Variants in KCTD20 observed in about 807,000 individuals in gnomAD.
KCTD20 encodes the protein potassium channel tetramerization domain containing 20.
Under a neutral mutation model 39.6 loss-of-function variants are expected in KCTD20, and 30 were observed. The ratio of observed to expected loss-of-function variants is 0.76; its 90% CI spans 0.57 to 1.03. KCTD20 has a LOEUF of 1.03. Ranked by LOEUF, KCTD20 falls within the 50% of genes least tolerant of loss-of-function variation. KCTD20 has a pLI of 0.00. For missense variants in KCTD20, 422 were observed against 522.0 expected (o/e 0.81, Z 1.87); for synonymous variants, 162 against 180.6 (o/e 0.90, Z 0.83).
chr6:36,458,364 C>T (rs1775499268), intron 1 of KCTD20, among the ~76,000 whole-genome samples: 1 of 151,550 alleles, frequency 6.6e-6, no homozygotes, highest in South Asian at 2.1e-4. Context: ...CATGGAGAAA[C>T]CCCGTCTCTA....
At position 36,479,198 on chromosome 6, in the gene KCTD20, G is replaced by C. The variant is rs2239808; in HGVS notation, c.512G>C (p.Ser171Thr). The C allele has an allele frequency of 0.21, 341,732 of 1,611,684 alleles. 40,079 individuals carry two copies. Among genetic ancestry groups the C allele is most frequent in the East Asian group, 0.43 (19,075 of 44,828 alleles). The change falls in exon 4 of 8, where the codon AGT (serine) becomes ACT (threonine). Residue 171 changes from serine (S) to threonine (T), a missense_variant. By Grantham distance (58) the Ser-to-Thr change is moderately conservative (BLOSUM62 1). Transcript: ENST00000373731. ...KGEYEIAEGI[S>T]ATVFRTVLDY... ...GAGTATGAGATTGCTGAAGGCATCAGTGCAACTGTATTTCGCACAGTGCTG... is the reference window on the plus strand; with the variant it reads ...GAGTATGAGATTGCTGAAGGCATCACTGCAACTGTATTTCGCACAGTGCTG...
At chr6:36,467,274 C>T (rs2127442328) in intron 1 of KCTD20, among the ~76,000 whole-genome samples, 1 of 137,508 alleles carries the variant, frequency 7.3e-6, no homozygotes, top group African/African-American at 2.7e-5. Context: ...TGCCATTGCA[C>T]TCCAGCCTGG....
chr6:36,443,767 T>C (rs1402220256), intron 1 of KCTD20: 1 of 152,220 alleles, frequency 6.6e-6, no homozygotes, highest in Non-Finnish European at 1.5e-5. Context: ...ATGAGAAAAC[T>C]CTTCTATTTT....
intron 3 of KCTD20, among the ~76,000 whole-genome samples, chr6:36,476,435 T>A (rs1776064384): frequency 6.6e-6 from 1 of 151,754 alleles, no homozygotes; most frequent in African/African-American, 2.4e-5. Context: ...ACCATTTTTT[T>A]TTTTTTTTTT....
intron 1 of KCTD20, among the ~76,000 whole-genome samples, chr6:36,464,897 C>G (rs1775698226): frequency 6.6e-6 from 1 of 152,106 alleles, no homozygotes; most frequent in Non-Finnish European, 1.5e-5. Flanking sequence ...GCTTATTTAC[C>G]AAATTCTGTG....
chr6:36,476,014 A>T (rs1345996874), intron 3 of KCTD20, among the ~76,000 whole-genome samples: 1 of 152,148 alleles, frequency 6.6e-6, no homozygotes, highest in African/African-American at 2.4e-5. Flanking sequence ...TGCTTCATTC[A>T]GATTTATCTC....
chr6:36,444,029 T>TG (rs1460510773), intron 1 of KCTD20, among the ~76,000 whole-genome samples: 1 of 152,184 alleles, frequency 6.6e-6, no homozygotes. Flanking sequence ...TCAGAGGACT[T>TG]CCGCTCAAGG....
In KCTD20 at chr6:36,470,123, G is replaced by A. The variant is rs1775867547; in HGVS notation, c.26G>A (p.Ser9Asn). 6.2e-7 allele frequency: 1 copy of A among 1,613,930 alleles called. No homozygotes were observed. The highest frequency in any genetic ancestry group is 8.5e-7 in the Non-Finnish European group (1 of 1,179,864). ...ATGAATGTTCACCGTGGCAGTGACA[G>A]TGACAGGTTATTGCGGCAGGAGGCC... MNVHRGSD[S>N]DRLLRQEASC... is the part of the protein sequence containing the mutation. The change falls in exon 2 of 8, where the codon AGT (serine) becomes AAT (asparagine). Residue 9 changes from serine to asparagine, a missense_variant. Ser to Asn is a conservative substitution (Grantham distance 46). Transcript: ENST00000373731.
intron 1 of KCTD20, among the ~76,000 whole-genome samples, chr6:36,463,468 C>T (rs1775657133): frequency 6.6e-6 from 1 of 152,138 alleles, no homozygotes; most frequent in Non-Finnish European, 1.5e-5. Context: ...ACACATACTT[C>T]CTTATGTCTG....
intron 3 of KCTD20, among the ~76,000 whole-genome samples, chr6:36,475,734 A>G (rs558348659): frequency 9.5e-5 from 14 of 147,332 alleles, no homozygotes; most frequent in African/African-American, 3.6e-4. Flanking sequence ...TGAGACCTAA[A>G]TCTTGCTCCC....
intron 1 of KCTD20, among the ~76,000 whole-genome samples, chr6:36,447,095 T>G (rs967602585): frequency 3.9e-5 from 6 of 152,200 alleles, no homozygotes; most frequent in Non-Finnish European, 8.8e-5. Flanking sequence ...CCTAGTTATA[T>G]TTCATTGGGA....
intron 5 of KCTD20, 136 bp from the exon 6 acceptor site, chr6:36,481,426 A>G: frequency 1.5e-6 from 1 of 667,412 alleles, no homozygotes; most frequent in South Asian, 1.8e-5. Flanking sequence ...GGAGCAGGAA[A>G]CAATCTCTTT....
rs372932007 is a variant in KCTD20 at position 36,479,681 on chromosome 6, G to T, written c.628G>T (p.Asp210Tyr). 18 of 1,599,420 alleles carry T rather than the reference G, an allele frequency of 1.1e-5. No individual in the cohort carries two copies. The highest frequency in any genetic ancestry group is 2.2e-5 in the South Asian group (2 of 90,800). ...DTCDYLCINF[D>Y]FNTIRCQDLS... is the part of the protein sequence containing the mutation. ...TTGTGATTATCTCTGCATTAATTTT[G>T]ACTTCAACACTATCCGATGTCAAGA... The change falls in exon 5 of 8, where the codon GAC becomes TAC. Residue 210 changes from aspartate to tyrosine, a missense_variant. Coordinates refer to ENST00000373731, the MANE Select transcript of KCTD20 (RefSeq NM_173562.5).
In KCTD20 at chr6:36,481,593, T is replaced by C. The variant is rs753769451; in HGVS notation, c.690T>C (p.Gly230=). Reference sequence around the variant, plus strand: ...TACTCCATGAACTGTCTAATGACGGTGCTCATAAGCAGTTTGATCACTACC... The same window carrying C: ...TACTCCATGAACTGTCTAATGACGGCGCTCATAAGCAGTTTGATCACTACC... The part of the protein sequence containing the change: ...SALLHELSND[G]AHKQFDHYLE... The change falls in exon 6 of 8, where the codon GGT becomes GGC. Residue 230 remains glycine, a synonymous_variant. Transcript: ENST00000373731. 1.2e-6 allele frequency: 2 copies of C among 1,614,230 alleles called. No homozygotes were observed. Among genetic ancestry groups the C allele is most frequent in the Admixed American group, 1.7e-5 (1 of 60,028 alleles).
At position 36,444,966 on chromosome 6, in the gene KCTD20, A is replaced by T. The variant is rs143982103; in HGVS notation, c.-47+1855A>T. 6.6e-5 allele frequency among the ~76,000 whole-genome samples: 10 copies of T among 152,332 alleles called. No individual in the cohort carries two copies. In the East Asian group the frequency reaches 1.9e-3, roughly 29 times the overall value. ...AACTGTAGTAGTTAGGTCAGTCTTA[A>T]ATTCTGTAACAGAAGCCGGGCGTGG... is the stretch of plus-strand genomic sequence containing the variant. On this transcript the variant is annotated intron_variant, in intron 1 of 7. Coordinates refer to ENST00000373731, the MANE Select transcript of KCTD20 (RefSeq NM_173562.5).
At chr6:36,455,880 A>G (rs1163539899) in intron 1 of KCTD20, among the ~76,000 whole-genome samples, 2 of 152,192 alleles carry the variant, frequency 1.3e-5, no homozygotes. Context: ...AAAGTAAGTA[A>G]CTATAGACTG....
At position 36,489,085 on chromosome 6, in the gene KCTD20, C is replaced by T. The variant is rs1776508611; in HGVS notation, c.*1910C>T. On this transcript the variant is annotated 3_prime_UTR_variant, in exon 8 of 8. Coordinates refer to ENST00000373731, the MANE Select transcript of KCTD20 (RefSeq NM_173562.5). ...TTATACCCACTACCAGTTGACTAGC[C>T]CAGATAATTGTTAAATGGTGCTTCT... The T allele has an allele frequency of 6.6e-6, 1 of 152,572 alleles. No individual in the cohort carries two copies. Among genetic ancestry groups the T allele is most frequent in the South Asian group, 2.1e-4 (1 of 4,818 alleles). 9.5% of individuals were successfully genotyped at this position (152,572 alleles called of 1,614,324 possible).
chr6:36,444,194 C>G (rs374235057), intron 1 of KCTD20, among the ~76,000 whole-genome samples: 2 of 152,174 alleles, frequency 1.3e-5, no homozygotes, highest in African/African-American at 4.8e-5. Flanking sequence ...AGCACCTGCA[C>G]TCTTGGTCTG....
At chr6:36,467,721 A>G (rs912842761) in intron 1 of KCTD20, among the ~76,000 whole-genome samples, 185 of 152,240 alleles carry the variant, frequency 1.2e-3, no homozygotes, top group African/African-American at 4.4e-3. Flanking sequence ...GGAGTTCCAT[A>G]GTACGCTCTG....
Sources: gnomAD v4.1 joint callset for allele counts (sites outside exome capture counted in the v4.1 genomes callset) on GRCh38, gnomAD v4.1.1 for gene constraint, MANE v1.5 for transcripts, NCBI Gene and HGNC (gene_info 2026-07-23, HGNC 2026-07-21) for gene names.